Variants in YTHDF3 observed in about 807,000 individuals in gnomAD.
YTHDF3 encodes YTH domain-containing family protein 3.
Under a neutral mutation model 52.5 loss-of-function variants are expected in YTHDF3, and 9 were observed. The observed-to-expected ratio is 0.17, with a 90% CI of 0.10 to 0.30. The LOEUF (loss-of-function observed/expected upper bound fraction) is 0.30, where lower values mean the gene tolerates loss of function less well. YTHDF3 is among the 10% of genes least tolerant of loss of function. YTHDF3 has a pLI of 1.00. For missense variants in YTHDF3, 534 were observed against 715.0 expected (o/e 0.75, Z 2.89); for synonymous variants, 274 against 243.3 (o/e 1.13, Z -1.18).
In YTHDF3 at chr8:63,169,473, T is replaced by C. The variant is rs374996083; in HGVS notation, c.49+62T>C. The C allele has an allele frequency of 9.4e-4, 1,421 of 1,508,678 alleles. 1 individual carries two copies. Among genetic ancestry groups the C allele is most frequent in the Non-Finnish European group, 9.7e-4 (1,078 of 1,113,170 alleles). The allele number at this position is 1,508,678 out of a possible 1,614,324, so 93.5% of individuals were successfully genotyped here. The stretch of plus-strand genomic sequence containing the variant: ...TTGCCTTAATGTTACTTTTAAACTC[T>C]GTGAGGGTATTTTGTTTGTTTTTGC... On this transcript the variant is annotated intron_variant, in intron 2 of 4. Transcript: ENST00000539294.
chr8:63,208,176 T>G (rs568969197), intron 4 of YTHDF3, among the ~76,000 whole-genome samples: 1 of 152,320 alleles, frequency 6.6e-6, no homozygotes, highest in South Asian at 2.1e-4. Flanking sequence ...TAGTTTCATT[T>G]ATAGTTATGT....
intron 3 of YTHDF3, among the ~76,000 whole-genome samples, chr8:63,180,759 G>A (rs1250242788): frequency 6.6e-6 from 1 of 152,268 alleles, no homozygotes; most frequent in Non-Finnish European, 1.5e-5. Context: ...ATCACTCGCG[G>A]TTAGGAGCTG....
intron 4 of YTHDF3, among the ~76,000 whole-genome samples, chr8:63,192,567 A>G (rs1220026369): frequency 6.6e-6 from 1 of 152,124 alleles, no homozygotes; most frequent in Non-Finnish European, 1.5e-5. Flanking sequence ...ATAGGGTACC[A>G]TGTGTTTTTG....
intron 4 of YTHDF3, among the ~76,000 whole-genome samples, chr8:63,209,056 CG>C (rs1810216122): frequency 6.6e-6 from 1 of 150,850 alleles, no homozygotes; most frequent in Admixed American, 6.6e-5. Context: ...TTAGTAGAGA[CG>C]GGGTTTCATC....
At chr8:63,174,404 C>A (rs1807549640) in intron 2 of YTHDF3, among the ~76,000 whole-genome samples, 1 of 152,148 alleles carries the variant, frequency 6.6e-6, no homozygotes, top group Non-Finnish European at 1.5e-5. Context: ...TTATTGAACA[C>A]TGTCATTTAA....
At chr8:63,176,115 G>C (rs1807672996) in intron 3 of YTHDF3, among the ~76,000 whole-genome samples, 1 of 151,912 alleles carries the variant, frequency 6.6e-6, no homozygotes, top group Admixed American at 6.6e-5. Flanking sequence ...ATCCATTTCT[G>C]TCTGTTACTA....
intron 4 of YTHDF3, among the ~76,000 whole-genome samples, chr8:63,189,327 T>G (rs1808765525): frequency 6.6e-6 from 1 of 152,190 alleles, no homozygotes; most frequent in African/African-American, 2.4e-5. Flanking sequence ...TCTTCCAAAC[T>G]GTAACGTAAA....
At position 63,189,221 on chromosome 8, in the gene YTHDF3, T is replaced by C. The variant is rs76048272; in HGVS notation, c.1734+1476T>C. Among the ~76,000 whole-genome samples, 115 of 152,292 alleles carry C rather than the reference T, an allele frequency of 7.6e-4. 3 individuals carry two copies. In the East Asian group the frequency reaches 0.018, roughly 24 times the overall value. On this transcript the variant is annotated intron_variant, in intron 4 of 4. Transcript: ENST00000539294. The stretch of plus-strand genomic sequence containing the variant: ...TTTTTATTTTTATTTTTTAAAAATA[T>C]CCTATTGAGTGGCCCATATGGGGAT...
chr8:63,196,006 C>G (rs527245741), intron 4 of YTHDF3, among the ~76,000 whole-genome samples: 1 of 151,976 alleles, frequency 6.6e-6, no homozygotes, highest in East Asian at 1.9e-4. Context: ...TTTGCCATGT[C>G]GCCCAGGTTG....
chr8:63,206,071 C>T (rs763900438), intron 4 of YTHDF3, among the ~76,000 whole-genome samples: 1 of 151,874 alleles, frequency 6.6e-6, no homozygotes, highest in African/African-American at 2.4e-5. Flanking sequence ...ATTTAGTGTA[C>T]CTGTTTTGTT....
intron 3 of YTHDF3, among the ~76,000 whole-genome samples, chr8:63,183,381 G>A (rs922076206): frequency 1.3e-5 from 2 of 151,938 alleles, no homozygotes; most frequent in African/African-American, 2.4e-5. Flanking sequence ...AGCACTATGA[G>A]TACTTTCCAT....
chr8:63,188,678 CATATATAT>C (rs1166458271), intron 4 of YTHDF3: 2 of 61,988 alleles, frequency 3.2e-5, no homozygotes, highest in African/African-American at 1.6e-4. Flanking sequence ...TAAGAAATTA[CATATATAT>C]ATATATATAT....
chr8:63,202,986 A>G (rs1007807631), intron 4 of YTHDF3, among the ~76,000 whole-genome samples: 9 of 152,090 alleles, frequency 5.9e-5, no homozygotes, highest in Non-Finnish European at 1.2e-4. Flanking sequence ...TCGTGCCTGT[A>G]ATCCTATCAC....
chr8:63,186,188 T>C lies in YTHDF3; in HGVS notation c.177T>C (p.Ser59=), dbSNP rs1389502681. 2 of 1,614,012 alleles carry C rather than the reference T, an allele frequency of 1.2e-6. No individual in the cohort carries two copies. Among genetic ancestry groups the C allele is most frequent in the African/African-American group, 1.3e-5 (1 of 75,064 alleles). Reference sequence around the variant, plus strand: ...CAATGTCAGATCCATACATGCCTAGTTACTATGCTCCATCCATTGGATTTC... The same window carrying C: ...CAATGTCAGATCCATACATGCCTAGCTACTATGCTCCATCCATTGGATTTC... ...YPPMSDPYMP[S]YYAPSIGFPY... The change falls in exon 4 of 5, where the codon AGT becomes AGC. Residue 59 remains serine (S), a synonymous_variant. Transcript: ENST00000539294.
Position 63,168,783 on chromosome 8 carries a change from AATC to A in YTHDF3, c.-93_-91del. On this transcript the variant is annotated 5_prime_UTR_variant, in exon 1 of 5. Transcript: ENST00000539294. ...CGGCGGCAGCGGCGGCGGCTGGAACAATCACTCGGCCAAGGGCGACAGCCAACT... is the reference window on the plus strand; with the variant it reads ...CGGCGGCAGCGGCGGCGGCTGGAACAACTCGGCCAAGGGCGACAGCCAACT... 6.5e-7 allele frequency: 1 copy of A among 1,546,738 alleles called. No homozygotes were observed. The highest frequency in any genetic ancestry group is 8.7e-7 in the Non-Finnish European group (1 of 1,144,926).
At chr8:63,184,860 C>T (rs1312591686) in intron 3 of YTHDF3, among the ~76,000 whole-genome samples, 1 of 152,172 alleles carries the variant, frequency 6.6e-6, no homozygotes, top group African/African-American at 2.4e-5. Flanking sequence ...TTTAAAATCA[C>T]ACCTAAATCA....
At chr8:63,191,427 A>G (rs570683869) in intron 4 of YTHDF3, among the ~76,000 whole-genome samples, 2 of 151,976 alleles carry the variant, frequency 1.3e-5, no homozygotes, top group African/African-American at 4.8e-5. Flanking sequence ...TTCTTCACTG[A>G]TAGTATTTGT....
chr8:63,180,776 A>G (rs1038140992), intron 3 of YTHDF3, among the ~76,000 whole-genome samples: 4 of 152,258 alleles, frequency 2.6e-5, no homozygotes, highest in Non-Finnish European at 5.9e-5. Flanking sequence ...GCTGGAGACC[A>G]GCCCGGCCAA....
intron 2 of YTHDF3, 146 bp from the exon 3 acceptor site, chr8:63,175,185 G>C: frequency 1.7e-6 from 1 of 583,212 alleles, no homozygotes; most frequent in Non-Finnish European, 3.0e-6. Context: ...ATCTAAAATA[G>C]TTTATCCTTA....
Sources: allele counts gnomAD v4.1 joint callset (sites outside exome capture counted in the v4.1 genomes callset), GRCh38; gene constraint gnomAD v4.1.1; transcripts MANE v1.5; gene names NCBI Gene and HGNC (gene_info 2026-07-23, HGNC 2026-07-21).